Variants in ITPR1 observed in about 807,000 individuals in gnomAD.
ITPR1 encodes the protein inositol 1,4,5-trisphosphate receptor type 1, also known as inositol 1,4,5-trisphosphate-gated calcium channel ITPR1.
Under a neutral mutation model 318.4 loss-of-function variants are expected in ITPR1, and 96 were observed. That is an observed-to-expected ratio of 0.30 (90% CI 0.26 to 0.36). The LOEUF (loss-of-function observed/expected upper bound fraction) is 0.36. ITPR1 is among the 10% of genes least tolerant of loss of function. The pLI, the probability that ITPR1 is intolerant of heterozygous loss-of-function variation, is 1.00. For synonymous variants in ITPR1, 1,312 were observed against 1,289.9 expected, an observed-to-expected ratio of 1.02 and a Z score of -0.37; for missense variants, 2,440 against 3,460.2, an observed-to-expected ratio of 0.71 and a Z score of 7.40.
chr3:4,734,654 CCACGCCAAGCAGTGAGCAAACAT>C (rs1204247979), intron 43 of ITPR1, among the ~76,000 whole-genome samples: 1 of 152,222 alleles, frequency 6.6e-6, no homozygotes, highest in Admixed American at 6.5e-5. Flanking sequence ...GCTCTTGGCT[CCACGCCAAGCAGTGAGCAAACAT>C]TTGTTGAATG....
chr3:4,693,483 T>C lies in ITPR1; in HGVS notation c.4030-7T>C. ...TGTAATCTAAACCCACCCTGTTCTT[T>C]ATGTAGCTGGTCAATTCGGGAGAGG... is the stretch of plus-strand genomic sequence containing the variant. On this transcript the variant is annotated splice_polypyrimidine_tract_variant and splice_region_variant and intron_variant, in intron 32 of 61. Transcript: ENST00000649015. 1.9e-6 allele frequency: 3 copies of C among 1,612,740 alleles called. No homozygotes were observed. The highest frequency in any genetic ancestry group is 2.5e-6 in the Non-Finnish European group (3 of 1,178,826).
chr3:4,601,140 A>G (rs534489723), intron 4 of ITPR1, among the ~76,000 whole-genome samples: 12 of 151,142 alleles, frequency 7.9e-5, no homozygotes, highest in African/African-American at 2.4e-4. Context: ...ATTTTTCAAC[A>G]TAGATATCAG....
At position 4,818,369 on chromosome 3, in the gene ITPR1, C is replaced by T. The variant is rs2049443191; in HGVS notation, c.8028+127C>T. On this transcript the variant is annotated intron_variant, in intron 60 of 61. Transcript: ENST00000649015. ...CATCCGATGTTGCCTGAGCCCTTCT[C>T]ACGGATGGGGCGCTGTGCTCTGTGA... 5.8e-6 allele frequency: 4 copies of T among 690,614 alleles called. No individual in the cohort carries two copies. In the East Asian group the frequency reaches 1.1e-4, roughly 19 times the overall value. The allele number at this position is 690,614 out of a possible 1,614,324, so 42.8% of individuals were successfully genotyped here. A position where few individuals can be genotyped will look rare whatever the true frequency, so the allele number is the denominator to read the frequency against.
At chr3:4,803,330 C>T (rs761631819) in intron 54 of ITPR1, among the ~76,000 whole-genome samples, 3 of 152,130 alleles carry the variant, frequency 2.0e-5, no homozygotes, top group Non-Finnish European at 4.4e-5. Context: ...CTTTTTCAGA[C>T]AAAGAGGGTA....
chr3:4,510,238 A>G (rs1004659878), intron 2 of ITPR1, among the ~76,000 whole-genome samples: 2 of 152,162 alleles, frequency 1.3e-5, no homozygotes, highest in African/African-American at 4.8e-5. Context: ...AAAAAAAATC[A>G]TTATGGCTGG....
chr3:4,615,460 C>T (rs1211175887), intron 4 of ITPR1, among the ~76,000 whole-genome samples: 1 of 151,356 alleles, frequency 6.6e-6, no homozygotes, highest in East Asian at 1.9e-4. Flanking sequence ...CACTGCAACC[C>T]CTGCCTCCCG....
chr3:4,505,437 C>A (rs370047526), intron 2 of ITPR1, among the ~76,000 whole-genome samples: 4 of 152,350 alleles, frequency 2.6e-5, no homozygotes, highest in African/African-American at 9.6e-5. Flanking sequence ...AAGTGATCCA[C>A]CCACCTTGGC....
In ITPR1 at chr3:4,712,264, G is replaced by A. The variant is rs895422445; in HGVS notation, c.5103+396G>A. Reference sequence around the variant, plus strand: ...TTGCCTCGTTCAGATGAGCTGTTGCGCAATCCTTTCAGTGCATCAAGAAAC... The same window carrying A: ...TTGCCTCGTTCAGATGAGCTGTTGCACAATCCTTTCAGTGCATCAAGAAAC... On this transcript the variant is annotated intron_variant, in intron 39 of 61. Transcript: ENST00000649015. Among the ~76,000 whole-genome samples, 9 of 152,226 alleles carry A rather than the reference G, an allele frequency of 5.9e-5. No individual in the cohort carries two copies. In the South Asian group the frequency reaches 1.0e-3, roughly 18 times the overall value.
At chr3:4,548,369 G>A (rs2085235558) in intron 4 of ITPR1, among the ~76,000 whole-genome samples, 1 of 152,176 alleles carries the variant, frequency 6.6e-6, no homozygotes, top group Non-Finnish European at 1.5e-5. Flanking sequence ...AAGTGAAAAG[G>A]GGTGTGCGTG....
intron 39 of ITPR1, 58 bp from the exon 40 acceptor site, chr3:4,717,309 G>T (rs1219852141): frequency 7.1e-7 from 1 of 1,402,318 alleles, no homozygotes; most frequent in East Asian, 2.3e-5. Context: ...AACTTGGCTG[G>T]CTTGTATTTC....
At chr3:4,768,365 G>A in intron 45 of ITPR1, 146 bp from the exon 46 acceptor site, 1 of 903,254 alleles carries the variant, frequency 1.1e-6, no homozygotes, top group Non-Finnish European at 1.6e-6. Context: ...AGGACTGAGA[G>A]CAGATTGTGA....
At chr3:4,786,076 CT>C (rs2047179498) in intron 51 of ITPR1, among the ~76,000 whole-genome samples, 2 of 152,224 alleles carry the variant, frequency 1.3e-5, no homozygotes, top group South Asian at 4.1e-4. Flanking sequence ...AGGAGGCCTC[CT>C]TGTCTACTCC....
intron 52 of ITPR1, among the ~76,000 whole-genome samples, chr3:4,789,144 G>A (rs144780662): frequency 2.1e-3 from 322 of 152,220 alleles, no homozygotes; most frequent in Admixed American, 5.8e-3. Context: ...ACTCTTGCTC[G>A]TCTCTAAGGG....
intron 60 of ITPR1, among the ~76,000 whole-genome samples, chr3:4,828,721 G>A (rs1038948763): frequency 6.6e-6 from 1 of 152,180 alleles, no homozygotes; most frequent in African/African-American, 2.4e-5. Flanking sequence ...CTGCTGGGAT[G>A]AGCCCATCTT....
chr3:4,666,462 G>T lies in ITPR1; in HGVS notation c.1714-915G>T, dbSNP rs560510625. Among the ~76,000 whole-genome samples, 353 of 152,234 alleles carry T rather than the reference G, an allele frequency of 2.3e-3. 3 individuals carry two copies. The highest frequency in any genetic ancestry group is 4.5e-3 in the Admixed American group (69 of 15,290). On this transcript the variant is annotated intron_variant, in intron 17 of 61. Transcript: ENST00000649015. ...TCTGTGGGGTGTGTCAAGACACTTTGCTTGTACATGAGGAAACAAACTAGT... is the reference window on the plus strand; with the variant it reads ...TCTGTGGGGTGTGTCAAGACACTTTTCTTGTACATGAGGAAACAAACTAGT...
chr3:4,766,493 G>T, intron 44 of ITPR1, 37 bp from the exon 45 acceptor site: 1 of 1,592,500 alleles, frequency 6.3e-7, no homozygotes, highest in Middle Eastern at 1.7e-4. Context: ...TTTCTGGTCA[G>T]TTACAGTGTT....
At chr3:4,818,535 C>T (rs2049456631) in intron 60 of ITPR1, among the ~76,000 whole-genome samples, 1 of 152,158 alleles carries the variant, frequency 6.6e-6, no homozygotes, top group African/African-American at 2.4e-5. Context: ...GGATCAAACT[C>T]CATAGCCCGA....
At chr3:4,561,520 C>T (rs2086671693) in intron 4 of ITPR1, among the ~76,000 whole-genome samples, 1 of 152,112 alleles carries the variant, frequency 6.6e-6, no homozygotes, top group African/African-American at 2.4e-5. Flanking sequence ...ACGAAACTCA[C>T]TACATTTCTA....
chr3:4,817,948 G>A (rs2049416202), intron 59 of ITPR1, 134 bp from the exon 60 acceptor site: 14 of 646,876 alleles, frequency 2.2e-5, no homozygotes, highest in Middle Eastern at 7.8e-4. Context: ...TACTTATAAG[G>A]CCGACAGAAT....
Sources: allele counts gnomAD v4.1 joint callset (sites outside exome capture counted in the v4.1 genomes callset), GRCh38; gene constraint gnomAD v4.1.1; transcripts MANE v1.5; gene names NCBI Gene and HGNC (gene_info 2026-07-23, HGNC 2026-07-21).